Variants in TBC1D2 observed in about 807,000 individuals in gnomAD.
TBC1D2 encodes TBC1 domain family member 2A.
In TBC1D2, 58 loss-of-function variants were observed where a neutral mutation model predicts 91.1. That is an observed-to-expected ratio of 0.64 (90% CI 0.52 to 0.79). TBC1D2 has a LOEUF of 0.79. Among genes scored for constraint, TBC1D2 ranks in the 30% least tolerant of loss-of-function variants. The pLI, the probability that TBC1D2 is intolerant of heterozygous loss-of-function variation, is 0.00. For synonymous variants in TBC1D2, 482 were observed against 511.5 expected (o/e 0.94, Z 0.78); for missense variants, 1,080 against 1,208.3 (o/e 0.89, Z 1.57).
At chr9:98,222,595 C>T (rs1829127302) in intron 5 of TBC1D2, among the ~76,000 whole-genome samples, 1 of 152,250 alleles carries the variant, frequency 6.6e-6, no homozygotes, top group Admixed American at 6.5e-5. Context: ...CGCCTGGACT[C>T]AGGCCTATCT....
intron 2 of TBC1D2, among the ~76,000 whole-genome samples, chr9:98,244,336 G>C (rs1829717459): frequency 6.6e-6 from 1 of 152,074 alleles, no homozygotes; most frequent in African/African-American, 2.4e-5. Flanking sequence ...GCATTTTGCT[G>C]GTACAGCCCT....
chr9:98,207,795 G>A lies in TBC1D2; in HGVS notation c.2150+873C>T, dbSNP rs145794131. ...TGCAGCTGCAGAGGGCAGCAGAGCA[G>A]TACCTTGGTGCTATACGAGCTCAGG... On this transcript the variant is annotated intron_variant, in intron 9 of 12. Transcript: ENST00000465784. Among the ~76,000 whole-genome samples, 4 of 152,332 alleles carry A rather than the reference G, an allele frequency of 2.6e-5. No individual in the cohort carries two copies. The East Asian group carries it at 5.8e-4, about 22-fold the overall frequency.
chr9:98,231,229 G>A (rs1021003190), intron 4 of TBC1D2, among the ~76,000 whole-genome samples: 1 of 145,906 alleles, frequency 6.9e-6, no homozygotes, highest in Non-Finnish European at 1.5e-5. Flanking sequence ...GGAAGGTGGA[G>A]TAAGAGGAGC....
At chr9:98,200,589 A>G (rs958767830) in intron 11 of TBC1D2, among the ~76,000 whole-genome samples, 2 of 152,218 alleles carry the variant, frequency 1.3e-5, no homozygotes, top group Non-Finnish European at 2.9e-5. Flanking sequence ...AGGGACGCAC[A>G]GCTTGAAATC....
chr9:98,233,805 C>A (rs1829434497), intron 3 of TBC1D2, among the ~76,000 whole-genome samples: 1 of 152,200 alleles, frequency 6.6e-6, no homozygotes, highest in Admixed American at 6.5e-5. Flanking sequence ...TTCCTTAACC[C>A]CCACCCCTGC....
chr9:98,214,895 G>T (rs1174164660), intron 6 of TBC1D2, among the ~76,000 whole-genome samples: 2 of 152,136 alleles, frequency 1.3e-5, no homozygotes, highest in African/African-American at 4.8e-5. Flanking sequence ...ACTCCACGGG[G>T]GCTCTCTGTG....
At chr9:98,244,658 T>C (rs558369571) in intron 2 of TBC1D2, among the ~76,000 whole-genome samples, 30 of 30,498 alleles carry the variant, frequency 9.8e-4, no homozygotes, top group African/African-American at 2.7e-3. Context: ...AAACTCCGTC[T>C]CAAAAAAAAA....
At chr9:98,241,440 G>A (rs555716055) in intron 3 of TBC1D2, among the ~76,000 whole-genome samples, 3 of 152,296 alleles carry the variant, frequency 2.0e-5, no homozygotes, top group African/African-American at 7.2e-5. Context: ...CAAGGGTGTA[G>A]GACACAAAGG....
At chr9:98,241,392 G>A (rs1167455081) in intron 3 of TBC1D2, among the ~76,000 whole-genome samples, 1 of 152,142 alleles carries the variant, frequency 6.6e-6, no homozygotes, top group Admixed American at 6.5e-5. Context: ...CCGGGTTCAT[G>A]GCAGCACCAA....
At chr9:98,229,242 A>G (rs1477127923) in intron 4 of TBC1D2, 94 bp from the exon 5 acceptor site, 1 of 1,201,012 alleles carries the variant, frequency 8.3e-7, no homozygotes, top group East Asian at 2.5e-5. Flanking sequence ...GGCTTGTTAA[A>G]ATGCGGATGG....
intron 3 of TBC1D2, chr9:98,235,238 C>G (rs1235367472): frequency 2.0e-5 from 6 of 301,506 alleles, no homozygotes; most frequent in Non-Finnish European, 3.3e-5. Flanking sequence ...AGGAGGACAA[C>G]CCCAATTTCG....
intron 2 of TBC1D2, among the ~76,000 whole-genome samples, chr9:98,247,647 T>G (rs1405871255): frequency 6.8e-6 from 1 of 148,064 alleles, no homozygotes; most frequent in Non-Finnish European, 1.5e-5. Flanking sequence ...GAGAATCATT[T>G]GAACCCAGGA....
chr9:98,223,251 G>A (rs527452164), intron 5 of TBC1D2, among the ~76,000 whole-genome samples: 34 of 152,214 alleles, frequency 2.2e-4, no homozygotes, highest in Non-Finnish European at 3.7e-4. Context: ...AGAGATGGTC[G>A]AGCAGCAGGT....
chr9:98,237,384 GA>G (rs201899214), intron 3 of TBC1D2, among the ~76,000 whole-genome samples: 2 of 151,276 alleles, frequency 1.3e-5, no homozygotes, highest in Non-Finnish European at 2.9e-5. Flanking sequence ...AGGCTTTGCT[GA>G]AAAAAAAGAA....
At chr9:98,240,153 G>A (rs10985570) in intron 3 of TBC1D2, among the ~76,000 whole-genome samples, 15,092 of 141,656 alleles carry the variant, frequency 0.11, 872 homozygotes, top group African/African-American at 0.14. Flanking sequence ...ACAAGATCCA[G>A]GTGTGTTTGT....
intron 4 of TBC1D2, among the ~76,000 whole-genome samples, chr9:98,230,209 G>T (rs1195777190): frequency 6.6e-6 from 1 of 151,958 alleles, no homozygotes; most frequent in African/African-American, 2.4e-5. Context: ...ATTCCCTTCA[G>T]CCCTAGGAAC....
At position 98,253,333 on chromosome 9, in the gene TBC1D2, C is replaced by T. The variant is rs535900776; in HGVS notation, c.370-1407G>A. Among the ~76,000 whole-genome samples, 3 of 152,292 alleles carry T rather than the reference C, an allele frequency of 2.0e-5. No homozygotes were observed. The South Asian group carries it at 6.2e-4, about 32-fold the overall frequency. Reference sequence around the variant, plus strand: ...CCTGACATCTCCCTCATTCTATTTCCCTACTATCCCGAGACACCTCCATTG... The same window carrying T: ...CCTGACATCTCCCTCATTCTATTTCTCTACTATCCCGAGACACCTCCATTG... On this transcript the variant is annotated intron_variant, in intron 1 of 12. Coordinates refer to ENST00000465784, the MANE Select transcript of TBC1D2 (RefSeq NM_001267571.2).
At chr9:98,234,292 A>G (rs932917044) in intron 3 of TBC1D2, among the ~76,000 whole-genome samples, 1 of 152,112 alleles carries the variant, frequency 6.6e-6, no homozygotes, top group African/African-American at 2.4e-5. Flanking sequence ...GGCTCAATAC[A>G]TGTTTGGTTT....
At chr9:98,232,198 GA>G (rs1401878286) in intron 4 of TBC1D2, among the ~76,000 whole-genome samples, 1 of 152,128 alleles carries the variant, frequency 6.6e-6, no homozygotes, top group Non-Finnish European at 1.5e-5. Context: ...GCACTGGCAT[GA>G]AGTAACTGCT....
Sources: gnomAD v4.1 joint callset for allele counts (sites outside exome capture counted in the v4.1 genomes callset) on GRCh38, gnomAD v4.1.1 for gene constraint, MANE v1.5 for transcripts, NCBI Gene and HGNC (gene_info 2026-07-23, HGNC 2026-07-21) for gene names.